Variants in GRID2 observed in about 807,000 individuals in gnomAD.
GRID2 encodes glutamate receptor ionotropic, delta-2.
GRID2 carries 33 observed loss-of-function variants against 114.8 expected under a neutral mutation model. That is an observed-to-expected ratio of 0.29 (90% CI 0.22 to 0.38). GRID2 has a LOEUF of 0.38. Ranked by LOEUF, GRID2 falls within the 10% of genes least tolerant of loss-of-function variation. The pLI is 1.00. For missense variants in GRID2, 1,184 were observed against 1,257.7 expected (o/e 0.94, Z 0.89); for synonymous variants, 505 against 449.9 (o/e 1.12, Z -1.55).
At chr4:93,213,902 T>C (rs1347177553) in intron 5 of GRID2, among the ~76,000 whole-genome samples, 3 of 152,140 alleles carry the variant, frequency 2.0e-5, no homozygotes, top group African/African-American at 4.8e-5. Context: ...TTGACTTTGA[T>C]TCTTAGTAGT....
intron 4 of GRID2, among the ~76,000 whole-genome samples, chr4:93,157,381 A>T (rs535891417): frequency 9.9e-5 from 15 of 151,866 alleles, no homozygotes; most frequent in African/African-American, 3.6e-4. Context: ...TGTAGTTTTT[A>T]AAATAAAAAT....
intron 1 of GRID2, among the ~76,000 whole-genome samples, chr4:92,349,984 T>A (rs1050523990): frequency 6.6e-6 from 1 of 151,974 alleles, no homozygotes; most frequent in South Asian, 2.1e-4. Flanking sequence ...CTCTTTTTTA[T>A]GGTTCTACTA....
At chr4:92,602,212 A>G (rs1046772079) in intron 2 of GRID2, among the ~76,000 whole-genome samples, 3 of 151,504 alleles carry the variant, frequency 2.0e-5, no homozygotes, top group Admixed American at 6.6e-5. Flanking sequence ...TTAAAAAAAA[A>G]AAAAAGAAAA....
At chr4:93,115,108 G>A (rs1445695660) in intron 4 of GRID2, among the ~76,000 whole-genome samples, 1 of 151,756 alleles carries the variant, frequency 6.6e-6, no homozygotes, top group Non-Finnish European at 1.5e-5. Context: ...GTGTGTGTGT[G>A]TGTGTGTGTG....
intron 2 of GRID2, among the ~76,000 whole-genome samples, chr4:92,693,452 T>C (rs1255810477): frequency 6.6e-6 from 1 of 152,236 alleles, no homozygotes; most frequent in African/African-American, 2.4e-5. Context: ...TGGGAAATGG[T>C]TTACATACTA....
chr4:93,583,679 T>C (rs1003066209), intron 13 of GRID2, among the ~76,000 whole-genome samples: 3 of 152,086 alleles, frequency 2.0e-5, no homozygotes, highest in South Asian at 2.1e-4. Context: ...GAATCAGATA[T>C]AACAAAATTT....
intron 2 of GRID2, among the ~76,000 whole-genome samples, chr4:92,839,463 C>T (rs1198251191): frequency 6.8e-6 from 1 of 146,036 alleles, no homozygotes; most frequent in Non-Finnish European, 1.5e-5. Flanking sequence ...GTTCCCCTTC[C>T]TGTGTCCGCG....
At chr4:92,395,124 A>G (rs1246246431) in intron 1 of GRID2, among the ~76,000 whole-genome samples, 1 of 151,602 alleles carries the variant, frequency 6.6e-6, no homozygotes, top group Non-Finnish European at 1.5e-5. Flanking sequence ...TTTGTGTAGA[A>G]TATAGAGTTT....
intron 7 of GRID2, among the ~76,000 whole-genome samples, chr4:93,227,640 T>C (rs1331356727): frequency 6.6e-6 from 1 of 152,220 alleles, no homozygotes; most frequent in African/African-American, 2.4e-5. Context: ...TTCTCACATC[T>C]TATTATGTTA....
chr4:93,650,217 A>G (rs1196060769), intron 14 of GRID2, among the ~76,000 whole-genome samples: 1 of 152,162 alleles, frequency 6.6e-6, no homozygotes, highest in Non-Finnish European at 1.5e-5. Context: ...AGCCCTAAGG[A>G]TATGTTCCAA....
chr4:92,558,187 A>G (rs1422293914), intron 1 of GRID2, among the ~76,000 whole-genome samples: 3 of 152,182 alleles, frequency 2.0e-5, no homozygotes, highest in Non-Finnish European at 4.4e-5. Flanking sequence ...CAAGATATAT[A>G]GACACTTAGA....
At chr4:93,696,112 T>A (rs748354177) in intron 14 of GRID2, among the ~76,000 whole-genome samples, 1 of 152,202 alleles carries the variant, frequency 6.6e-6, no homozygotes, top group Non-Finnish European at 1.5e-5. Flanking sequence ...GGTAACATAT[T>A]CCACATGTTT....
chr4:93,365,766 A>G (rs956243773), intron 8 of GRID2, among the ~76,000 whole-genome samples: 9 of 152,130 alleles, frequency 5.9e-5, no homozygotes, highest in Non-Finnish European at 2.9e-5. Flanking sequence ...GGCATAATCA[A>G]AGGAAATATT....
At chr4:92,696,368 A>G (rs900715435) in intron 2 of GRID2, among the ~76,000 whole-genome samples, 1 of 152,196 alleles carries the variant, frequency 6.6e-6, no homozygotes, top group Non-Finnish European at 1.5e-5. Flanking sequence ...GCGAATATAT[A>G]TCATTGCTTA....
chr4:93,251,257 T>TGA (rs1748892371), intron 8 of GRID2, among the ~76,000 whole-genome samples: 1 of 152,188 alleles, frequency 6.6e-6, no homozygotes, highest in Non-Finnish European at 1.5e-5. Flanking sequence ...ACCTTGATGA[T>TGA]GAGTAATATT....
At chr4:93,198,482 A>G (rs975526246) in intron 4 of GRID2, among the ~76,000 whole-genome samples, 1 of 152,136 alleles carries the variant, frequency 6.6e-6, no homozygotes, top group African/African-American at 2.4e-5. Flanking sequence ...ATACTAGAGG[A>G]CCAGCAGGAA....
intron 8 of GRID2, among the ~76,000 whole-genome samples, chr4:93,297,524 C>T (rs753459340): frequency 1.3e-5 from 2 of 152,142 alleles, no homozygotes; most frequent in South Asian, 2.1e-4. Context: ...CAGTGAAATT[C>T]GGGCTCTGCA....
intron 2 of GRID2, among the ~76,000 whole-genome samples, chr4:92,936,749 A>G (rs1464247412): frequency 1.4e-5 from 2 of 146,494 alleles, no homozygotes; most frequent in South Asian, 2.3e-4. Context: ...GCCTCTGGCC[A>G]TGATAATACA....
intron 2 of GRID2, among the ~76,000 whole-genome samples, chr4:92,860,609 A>G (rs1398101670): frequency 6.6e-6 from 1 of 152,172 alleles, no homozygotes; most frequent in Non-Finnish European, 1.5e-5. Flanking sequence ...TGAAATGTTA[A>G]CTTCTGAAAA....
Sources: gnomAD v4.1 joint callset for allele counts (sites outside exome capture counted in the v4.1 genomes callset) on GRCh38, gnomAD v4.1.1 for gene constraint, MANE v1.5 for transcripts, NCBI Gene and HGNC (gene_info 2026-07-23, HGNC 2026-07-21) for gene names.